PCDH7: variants seen among roughly 807,000 people sequenced by gnomAD.
PCDH7 encodes protocadherin-7.
A neutral mutation model predicts 58.9 loss-of-function variants in PCDH7; 17 were observed. That is an observed-to-expected ratio of 0.29 (90% CI 0.20 to 0.43). The LOEUF (loss-of-function observed/expected upper bound fraction) is 0.43, where lower values mean the gene tolerates loss of function less well. Among genes scored for constraint, PCDH7 ranks in the 20% least tolerant of loss-of-function variants. PCDH7 has a pLI of 1.00. For missense variants in PCDH7, 1,274 were observed against 1,441.0 expected, an observed-to-expected ratio of 0.88 and a Z score of 1.88; for synonymous variants, 664 against 616.4, an observed-to-expected ratio of 1.08 and a Z score of -1.14.
chr4:30,760,369 T>G (rs1019783039), intron 1 of PCDH7, among the ~76,000 whole-genome samples: 12 of 152,204 alleles, frequency 7.9e-5, no homozygotes, highest in African/African-American at 2.9e-4. Context: ...GAGAAAGAAA[T>G]AAAGGTATTC....
intron 1 of PCDH7, among the ~76,000 whole-genome samples, chr4:30,748,403 G>A (rs1159270715): frequency 6.6e-6 from 1 of 152,122 alleles, no homozygotes; most frequent in African/African-American, 2.4e-5. Context: ...TCTGGTGGCC[G>A]AGAAGTCCAA....
chr4:30,907,485 T>C (rs1741114033), intron 1 of PCDH7, among the ~76,000 whole-genome samples: 4 of 152,120 alleles, frequency 2.6e-5, no homozygotes, highest in African/African-American at 7.2e-5. Flanking sequence ...ACTCAGCCAA[T>C]GTCATATGCA....
At chr4:30,782,567 C>T (rs1292782801) in intron 1 of PCDH7, among the ~76,000 whole-genome samples, 1 of 152,018 alleles carries the variant, frequency 6.6e-6, no homozygotes, top group East Asian at 1.9e-4. Flanking sequence ...GCACCCATAA[C>T]AAAAGATAGA....
At chr4:30,989,517 A>G (rs935198255) in intron 3 of PCDH7, among the ~76,000 whole-genome samples, 5 of 152,166 alleles carry the variant, frequency 3.3e-5, no homozygotes, top group African/African-American at 4.8e-5. Context: ...GAAAGTCTCT[A>G]TGCTCATTAA....
At chr4:30,807,755 A>G (rs1374654) in intron 1 of PCDH7, among the ~76,000 whole-genome samples, 43,324 of 148,350 alleles carry the variant, frequency 0.29, 7,472 homozygotes, top group African/African-American at 0.5. Context: ...TCTATTTGTG[A>G]AAAAAAAAAA....
intron 3 of PCDH7, among the ~76,000 whole-genome samples, chr4:31,091,506 T>C (rs1289143820): frequency 6.6e-6 from 1 of 151,878 alleles, no homozygotes; most frequent in African/African-American, 2.4e-5. Context: ...TTGAATTACT[T>C]AAGTTATCCT....
chr4:30,900,598 G>A (rs1740077580), intron 1 of PCDH7, among the ~76,000 whole-genome samples: 1 of 152,184 alleles, frequency 6.6e-6, no homozygotes, highest in Non-Finnish European at 1.5e-5. Flanking sequence ...TTACAAATCA[G>A]TGCATGGAAG....
chr4:30,723,534 T>G lies in PCDH7; in HGVS notation c.2112T>G (p.His704Gln). 1 of 1,614,080 alleles carries G rather than the reference T, an allele frequency of 6.2e-7. No individual in the cohort carries two copies. The highest frequency in any genetic ancestry group is 2.2e-5 in the East Asian group (1 of 44,868). The stretch of plus-strand genomic sequence containing the variant: ...CCACAATGTCTTTTGACCGGGAACA[T>G]CAGACCACATACACTTTCAGAGTCA... The change falls in exon 1 of 2, where the codon CAT becomes CAG. Residue 704 changes from histidine to glutamine, a missense_variant. By Grantham distance (24) the His-to-Gln change is conservative. This residue lies in a region of PCDH7 where 731 missense variants were observed against 881.9 expected (regional missense o/e 0.83). Transcript: ENST00000361762. The surrounding 1 kb of genome is among the most constrained non-coding windows in gnomAD (Gnocchi z 4.6).
rs1354311637 is a variant in PCDH7, at chr4:30,850,553, A to AG, written c.71-69595dup. On this transcript the variant is annotated intron_variant, in intron 1 of 3. Coordinates refer to the PCDH7 transcript ENST00000509759. ...TTCTTTTTTATTAGGTGGAGGGGGG[A>AG]GGGGGTTGGTTTTGTTGCTGATATT... Among the ~76,000 whole-genome samples the AG allele has an allele frequency of 1.5e-4, 23 of 151,194 alleles. 1 individual carries two copies. The highest frequency in any genetic ancestry group is 5.3e-4 in the African/African-American group (22 of 41,174).
chr4:31,018,019 T>A (rs751086166), intron 3 of PCDH7, among the ~76,000 whole-genome samples: 7 of 152,166 alleles, frequency 4.6e-5, no homozygotes, highest in Non-Finnish European at 8.8e-5. Flanking sequence ...GTTTTAATAA[T>A]CCCCAGATTT....
intron 1 of PCDH7, among the ~76,000 whole-genome samples, chr4:30,787,266 A>G (rs939255114): frequency 2.6e-5 from 4 of 152,098 alleles, no homozygotes; most frequent in Non-Finnish European, 5.9e-5. Flanking sequence ...GATGCATTAT[A>G]TAGAAATCAC....
intron 2 of PCDH7, chr4:30,926,040 A>C (rs1465078661): frequency 2.0e-5 from 3 of 152,240 alleles, no homozygotes; most frequent in African/African-American, 7.2e-5. Context: ...AAATCATAGG[A>C]TTGCAGAAGG....
chr4:30,852,252 C>G (rs1473449964), intron 1 of PCDH7, among the ~76,000 whole-genome samples: 1 of 152,038 alleles, frequency 6.6e-6, no homozygotes, highest in Non-Finnish European at 1.5e-5. Context: ...TACAGAAACA[C>G]ATCGGATTCA....
In PCDH7 at chr4:30,935,334, T is replaced by C. The variant is rs1029541561; in HGVS notation, c.288-14786T>C. On this transcript the variant is annotated intron_variant, in intron 2 of 3. Transcript: ENST00000509759. ...CAGAAATGTTTACTGGCCTCATATT[T>C]AGCTGTAAAGGTAAGTAGTTTCTTG... 5.1e-6 allele frequency: 5 copies of C among 983,098 alleles called. No individual in the cohort carries two copies. The African/African-American group carries it at 8.7e-5, about 17-fold the overall frequency. The allele number at this position is 983,098 out of a possible 1,614,324, so 60.9% of individuals were successfully genotyped here.
chr4:30,936,568 A>C (rs2109431495), intron 2 of PCDH7, among the ~76,000 whole-genome samples: 1 of 152,154 alleles, frequency 6.6e-6, no homozygotes. Flanking sequence ...CCGGCAATAA[A>C]CTTTGCTCTG....
rs370648622 is a variant in PCDH7 at position 30,976,399 on chromosome 4, CTTT to C, written c.*7+26201_*7+26203del. On this transcript the variant is annotated intron_variant, in intron 3 of 3. Transcript: ENST00000509759. ...AGCCACCACGCCGGGCCATAAAATA[CTTT>C]TTTTTTTTTTTTTTTTGAGACGGAG... 6.7e-3 allele frequency among the ~76,000 whole-genome samples: 761 copies of C among 113,488 alleles called. 6 individuals carry two copies. Among genetic ancestry groups the C allele is most frequent in the Non-Finnish European group, 9.6e-3 (558 of 58,014 alleles). 74.5% of individuals were successfully genotyped at this position (113,488 alleles called of 152,430 possible). A position where few individuals can be genotyped will look rare whatever the true frequency, so the allele number is the denominator to read the frequency against.
chr4:30,956,007 A>G (rs1461827750), intron 3 of PCDH7, among the ~76,000 whole-genome samples: 1 of 147,296 alleles, frequency 6.8e-6, no homozygotes, highest in Non-Finnish European at 1.5e-5. Context: ...ACACGGTGAA[A>G]CCCTGTCTCT....
intron 3 of PCDH7, among the ~76,000 whole-genome samples, chr4:31,010,879 A>C (rs1055961885): frequency 4.6e-5 from 7 of 152,040 alleles, no homozygotes; most frequent in African/African-American, 1.4e-4. Context: ...TAAAAAGATG[A>C]GCATGATAAT....
chr4:30,899,288 T>G (rs1739882376), intron 1 of PCDH7, among the ~76,000 whole-genome samples: 2 of 152,206 alleles, frequency 1.3e-5, no homozygotes, highest in Admixed American at 1.3e-4. Context: ...GAGAGGCCCG[T>G]AAGGTATTGC....
Sources: allele counts gnomAD v4.1 joint callset (sites outside exome capture counted in the v4.1 genomes callset), GRCh38; gene constraint gnomAD v4.1.1; regional missense constraint gnomAD v4.1.1; non-coding constraint Gnocchi (gnomAD v3.1); transcripts MANE v1.5; gene names NCBI Gene and HGNC (gene_info 2026-07-23, HGNC 2026-07-21).